RARB: variants seen among roughly 807,000 people sequenced by gnomAD.
RARB encodes the protein retinoic acid receptor beta, also known as HBV-activated protein.
In RARB, 17 loss-of-function variants were observed where a neutral mutation model predicts 51.9. That is an observed-to-expected ratio of 0.33 (90% CI 0.22 to 0.49). The LOEUF (loss-of-function observed/expected upper bound fraction) is 0.49. RARB is among the 20% of genes least tolerant of loss of function. RARB has a pLI of 0.99. For synonymous variants in RARB, 215 were observed against 195.4 expected (o/e 1.10, Z -0.84); for missense variants, 369 against 550.8 (o/e 0.67, Z 3.30).
intron 2 of RARB, among the ~76,000 whole-genome samples, chr3:24,869,343 A>G (rs1045103444): frequency 3.3e-5 from 5 of 152,200 alleles, no homozygotes; most frequent in African/African-American, 1.2e-4. Context: ...GCATATTTCT[A>G]GAGTGTAGAA....
intron 2 of RARB, among the ~76,000 whole-genome samples, chr3:25,052,189 G>T (rs1215278715): frequency 6.6e-6 from 1 of 152,174 alleles, no homozygotes; most frequent in Non-Finnish European, 1.5e-5. Flanking sequence ...CCATCCTGAG[G>T]AGAAGAGCAC....
chr3:25,389,113 T>G (rs1272534420), intron 5 of RARB, among the ~76,000 whole-genome samples: 2 of 152,172 alleles, frequency 1.3e-5, no homozygotes, highest in Non-Finnish European at 2.9e-5. Flanking sequence ...AAGGATATAT[T>G]TCCACATGCA....
At chr3:25,319,392 G>C (rs928583540) in intron 5 of RARB, among the ~76,000 whole-genome samples, 6 of 152,158 alleles carry the variant, frequency 3.9e-5, no homozygotes, top group Admixed American at 6.5e-5. Context: ...CTGTGGAATG[G>C]CCATGTTGAG....
chr3:24,964,712 G>A (rs1391778340), intron 2 of RARB, among the ~76,000 whole-genome samples: 1 of 152,174 alleles, frequency 6.6e-6, no homozygotes, highest in Non-Finnish European at 1.5e-5. Flanking sequence ...ATTTTTCAGT[G>A]CAGAGGTATG....
chr3:25,257,644 G>T (rs1319877192), intron 5 of RARB, among the ~76,000 whole-genome samples: 2 of 152,018 alleles, frequency 1.3e-5, no homozygotes, highest in African/African-American at 4.8e-5. Flanking sequence ...GTCCAAGTTC[G>T]TCCAAGTCCT....
At chr3:24,961,169 T>G (rs1214866871) in intron 2 of RARB, among the ~76,000 whole-genome samples, 2 of 152,220 alleles carry the variant, frequency 1.3e-5, no homozygotes, top group Non-Finnish European at 2.9e-5. Flanking sequence ...AATCTAGAAT[T>G]CGATTGCAAA....
intron 5 of RARB, among the ~76,000 whole-genome samples, chr3:25,299,750 G>T (rs1449739363): frequency 6.7e-6 from 1 of 149,674 alleles, no homozygotes; most frequent in Non-Finnish European, 1.5e-5. Context: ...AAAGGTCTGT[G>T]GCACCAAAAA....
chr3:24,874,360 G>A (rs1703003912), intron 2 of RARB, among the ~76,000 whole-genome samples: 1 of 151,956 alleles, frequency 6.6e-6, no homozygotes, highest in Admixed American at 6.6e-5. Flanking sequence ...TTCTTCATTG[G>A]TGATTCTTTT....
chr3:25,515,831 A>G (rs1698137079), intron 3 of RARB, among the ~76,000 whole-genome samples: 3 of 152,240 alleles, frequency 2.0e-5, no homozygotes, highest in Non-Finnish European at 4.4e-5. Flanking sequence ...TCTGATATGT[A>G]CATGCAAAAC....
chr3:25,324,066 T>C (rs1302069019), intron 5 of RARB: 1 of 152,066 alleles, frequency 6.6e-6, no homozygotes, highest in African/African-American at 2.4e-5. Context: ...TGATTTCTAG[T>C]CTCGGATGAA....
At chr3:25,314,022 G>C (rs751327490) in intron 5 of RARB, among the ~76,000 whole-genome samples, 14 of 151,988 alleles carry the variant, frequency 9.2e-5, no homozygotes, top group Non-Finnish European at 1.6e-4. Context: ...ACTGAGCTAT[G>C]ATCACACCAC....
intron 5 of RARB, among the ~76,000 whole-genome samples, chr3:25,221,755 T>A (rs1272929863): frequency 1.3e-5 from 2 of 152,138 alleles, no homozygotes; most frequent in East Asian, 3.9e-4. Context: ...CCCGCATCTT[T>A]CAGCTGTCAA....
chr3:25,398,568 T>G (rs552239317), intron 5 of RARB, among the ~76,000 whole-genome samples: 1 of 152,174 alleles, frequency 6.6e-6, no homozygotes, highest in Non-Finnish European at 1.5e-5. Flanking sequence ...GATGACAGTT[T>G]TAATGTTGAG....
intron 3 of RARB, among the ~76,000 whole-genome samples, chr3:25,545,576 G>A (rs771123418): frequency 2.2e-4 from 34 of 152,288 alleles, no homozygotes; most frequent in Admixed American, 9.8e-4. Context: ...CTGTGTGTGC[G>A]GTTGGCATTG....
At chr3:25,057,722 G>A (rs1698467272) in intron 2 of RARB, among the ~76,000 whole-genome samples, 1 of 151,908 alleles carries the variant, frequency 6.6e-6, no homozygotes, top group Admixed American at 6.6e-5. Context: ...TTAAGAATAT[G>A]ATGAGTCCTT....
At chr3:24,946,652 T>TGAGCCCAGGAATTA (rs1695781947) in intron 2 of RARB, among the ~76,000 whole-genome samples, 3 of 152,110 alleles carry the variant, frequency 2.0e-5, no homozygotes, top group Admixed American at 6.5e-5. Flanking sequence ...GAGGATTACT[T>TGAGCCCAGGAATTA]GAGCCCAGGA....
At chr3:25,346,037 T>A in intron 5 of RARB, 1 of 241,774 alleles carries the variant, frequency 4.1e-6, no homozygotes, top group Non-Finnish European at 6.7e-6. Flanking sequence ...GCCGCTGGGT[T>A]CACTCATGCA....
At chr3:25,261,815 A>G (rs1001447642) in intron 5 of RARB, among the ~76,000 whole-genome samples, 5 of 152,142 alleles carry the variant, frequency 3.3e-5, no homozygotes, top group African/African-American at 1.2e-4. Flanking sequence ...CATCCCAGCC[A>G]TCACTAATGC....
chr3:25,472,832 C>A (rs1695763597), intron 2 of RARB, among the ~76,000 whole-genome samples: 1 of 152,170 alleles, frequency 6.6e-6, no homozygotes, highest in African/African-American at 2.4e-5. Context: ...GGGTTAGATT[C>A]CAGTGTCATC....
Sources: allele counts gnomAD v4.1 joint callset (sites outside exome capture counted in the v4.1 genomes callset), GRCh38; gene constraint gnomAD v4.1.1; transcripts MANE v1.5; gene names NCBI Gene and HGNC (gene_info 2026-07-23, HGNC 2026-07-21).